Variants in PIK3C2G observed in about 807,000 individuals in gnomAD.
PIK3C2G encodes phosphatidylinositol 3-kinase C2 domain-containing subunit gamma.
In PIK3C2G, 168 loss-of-function variants were observed where a neutral mutation model predicts 181.1. The observed-to-expected ratio is 0.93, with a 90% CI of 0.82 to 1.05. PIK3C2G has a LOEUF of 1.05. Ranked by LOEUF, PIK3C2G falls within the 50% of genes least tolerant of loss-of-function variation. The pLI, the probability that PIK3C2G is intolerant of heterozygous loss-of-function variation, is 0.00. For synonymous variants in PIK3C2G, 573 were observed against 592.2 expected, an observed-to-expected ratio of 0.97 and a Z score of 0.47; for missense variants, 1,869 against 1,732.8, an observed-to-expected ratio of 1.08 and a Z score of -1.40.
At chr12:18,590,834 C>A (rs1303767607) in intron 29 of PIK3C2G, among the ~76,000 whole-genome samples, 1 of 151,720 alleles carries the variant, frequency 6.6e-6, no homozygotes, top group Admixed American at 6.6e-5. Context: ...AACCTTGTTA[C>A]AATAAGAAGT....
chr12:18,307,164 T>G (rs1950453849), intron 5 of PIK3C2G, among the ~76,000 whole-genome samples: 1 of 148,364 alleles, frequency 6.7e-6, no homozygotes, highest in Admixed American at 6.9e-5. Flanking sequence ...ACATATTGCC[T>G]CAGAAATACT....
At chr12:18,418,315 TAAAG>T (rs1945292911) in intron 16 of PIK3C2G, among the ~76,000 whole-genome samples, 1 of 152,016 alleles carries the variant, frequency 6.6e-6, no homozygotes, top group Non-Finnish European at 1.5e-5. Flanking sequence ...GACTAGAACT[TAAAG>T]AACTAAGGGA....
chr12:18,655,699 C>G, the PIK3C2G span, among the ~76,000 whole-genome samples: 3 of 151,704 alleles, frequency 2.0e-5, no homozygotes, highest in Non-Finnish European at 2.9e-5. Context: ...GAAAGTGGCA[C>G]TTTACCTCTG....
At chr12:18,706,891 T>C in the PIK3C2G span, among the ~76,000 whole-genome samples, 1 of 152,200 alleles carries the variant, frequency 6.6e-6, no homozygotes, top group Non-Finnish European at 1.5e-5. Context: ...TTGAAATCAG[T>C]TTCACTGGTC....
At chr12:18,520,788 A>G (rs1192325306) in intron 24 of PIK3C2G, among the ~76,000 whole-genome samples, 1 of 152,012 alleles carries the variant, frequency 6.6e-6, no homozygotes, top group African/African-American at 2.4e-5. Flanking sequence ...GTTGTAGGAG[A>G]TGAGGCACTC....
In PIK3C2G at chr12:18,440,263, C is replaced by CA. The variant is rs756630631; in HGVS notation, c.2504+16234dup. The stretch of plus-strand genomic sequence containing the variant: ...TGTCCCATAGGAAGAGCTTGTTCAC[C>CA]AAAAAAAAAATATTTATTGAGCACC... On this transcript the variant is annotated intron_variant, in intron 18 of 32. Coordinates refer to ENST00000538779, the MANE Select transcript of PIK3C2G (RefSeq NM_001288772.2). 7.5e-4 allele frequency among the ~76,000 whole-genome samples: 110 copies of CA among 147,322 alleles called. No homozygotes were observed. The East Asian group carries it at 9.7e-3, about 13-fold the overall frequency.
chr12:18,289,435 A>C (rs1949592878), intron 3 of PIK3C2G, among the ~76,000 whole-genome samples: 2 of 152,218 alleles, frequency 1.3e-5, no homozygotes, highest in African/African-American at 4.8e-5. Flanking sequence ...TCATGGACGC[A>C]TTGAGGAGTG....
At chr12:18,456,184 G>A (rs1033630322) in intron 18 of PIK3C2G, among the ~76,000 whole-genome samples, 47 of 152,196 alleles carry the variant, frequency 3.1e-4, no homozygotes, top group African/African-American at 1.1e-3. Flanking sequence ...TAAATATTTT[G>A]GACAAATGTC....
intron 31 of PIK3C2G, among the ~76,000 whole-genome samples, chr12:18,610,450 A>G (rs1948275900): frequency 6.6e-6 from 1 of 152,120 alleles, no homozygotes; most frequent in African/African-American, 2.4e-5. Flanking sequence ...AACAATAAAT[A>G]TTTGTTTGGT....
At chr12:18,689,502 G>A in the PIK3C2G span, among the ~76,000 whole-genome samples, 1 of 152,128 alleles carries the variant, frequency 6.6e-6, no homozygotes, top group Non-Finnish European at 1.5e-5. Context: ...TGTGGCCCAA[G>A]ATAATTCCTC....
In PIK3C2G at chr12:18,391,115, C is replaced by T. The variant is rs1469490216; in HGVS notation, c.1996-7C>T. The T allele has an allele frequency of 1.4e-5, 22 of 1,583,724 alleles. No individual in the cohort carries two copies. The highest frequency in any genetic ancestry group is 1.7e-4 in the Middle Eastern group (1 of 5,916). Reference sequence around the variant, plus strand: ...CAACACATGGCAAATCATTTTTTTTCTTTCAGATTGATTTTCCAGCTACTG... The same window carrying T: ...CAACACATGGCAAATCATTTTTTTTTTTTCAGATTGATTTTCCAGCTACTG... On this transcript the variant is annotated splice_polypyrimidine_tract_variant and splice_region_variant and intron_variant, in intron 14 of 32. Transcript: ENST00000538779.
intron 18 of PIK3C2G, among the ~76,000 whole-genome samples, chr12:18,480,424 G>A (rs377240156): frequency 9.2e-5 from 14 of 152,204 alleles, no homozygotes; most frequent in African/African-American, 2.4e-4. Context: ...ACATGTTAAC[G>A]TGTGAGTAGG....
chr12:18,586,264 A>C (rs548537619), intron 29 of PIK3C2G, among the ~76,000 whole-genome samples: 1 of 152,278 alleles, frequency 6.6e-6, no homozygotes, highest in East Asian at 1.9e-4. Flanking sequence ...AAAAAACCTC[A>C]AAGAATCAAT....
intron 18 of PIK3C2G, among the ~76,000 whole-genome samples, chr12:18,445,184 A>T (rs1946957509): frequency 6.6e-6 from 1 of 152,122 alleles, no homozygotes; most frequent in South Asian, 2.1e-4. Flanking sequence ...ACTTTTTTAT[A>T]TTAGGAAAAT....
At chr12:18,385,693 C>T (rs1306182971) in intron 14 of PIK3C2G, among the ~76,000 whole-genome samples, 1 of 152,114 alleles carries the variant, frequency 6.6e-6, no homozygotes, top group Non-Finnish European at 1.5e-5. Flanking sequence ...CTCAGCCTCC[C>T]AAGTAGCTGG....
intron 31 of PIK3C2G, among the ~76,000 whole-genome samples, chr12:18,611,265 G>C (rs1948316336): frequency 1.3e-5 from 2 of 151,992 alleles, no homozygotes; most frequent in African/African-American, 4.8e-5. Context: ...CCTAAAAAAT[G>C]TGAAAAAACA....
Position 18,282,633 on chromosome 12 carries a change from T to G in PIK3C2G, c.552T>G (p.Ser184Arg). Residue 184 changes from serine (S) to arginine (R), a missense_variant, in exon 2 of 33, where the codon AGT (serine) becomes AGG (arginine). By Grantham distance (110) the Ser-to-Arg change is moderately radical. Transcript: ENST00000538779. Reference protein sequence around the residue: ...SIPPTNSSFSSDFMPKEENKR... With the variant: ...SIPPTNSSFSRDFMPKEENKR... ...CTCCAACAAATTCATCCTTCTCAAGTGACTTCATGCCGAAAGAAGAGAATA... is the reference window on the plus strand; with the variant it reads ...CTCCAACAAATTCATCCTTCTCAAGGGACTTCATGCCGAAAGAAGAGAATA... 1 of 1,613,352 alleles carries G rather than the reference T, an allele frequency of 6.2e-7. No individual in the cohort carries two copies. Among genetic ancestry groups the G allele is most frequent in the Non-Finnish European group, 8.5e-7 (1 of 1,179,340 alleles).
chr12:18,694,824 C>A, the PIK3C2G span: 2 of 1,072,148 alleles, frequency 1.9e-6, no homozygotes, highest in South Asian at 3.2e-5. Flanking sequence ...GAAATTGAAG[C>A]AAATCAGTGG....
downstream of PIK3C2G, among the ~76,000 whole-genome samples, chr12:18,651,579 C>T (rs2136895580): frequency 6.6e-6 from 1 of 152,202 alleles, no homozygotes; most frequent in East Asian, 1.9e-4. Flanking sequence ...CCATAAAGAA[C>T]CCTGCCTTCT....
Sources: gnomAD v4.1 joint callset for allele counts (sites outside exome capture counted in the v4.1 genomes callset) on GRCh38, gnomAD v4.1.1 for gene constraint, MANE v1.5 for transcripts, NCBI Gene and HGNC (gene_info 2026-07-23, HGNC 2026-07-21) for gene names.